The following CAND2 variants were observed in gnomAD, a reference collection of about 807,000 sequenced individuals.
The protein encoded by CAND2 is cullin associated and neddylation dissociated 2 (putative).
Under a neutral mutation model 98.9 loss-of-function variants are expected in CAND2, and 62 were observed. The ratio of observed to expected loss-of-function variants is 0.63; its 90% CI spans 0.51 to 0.77. The LOEUF is 0.77. Ranked by LOEUF, CAND2 falls within the 30% of genes least tolerant of loss-of-function variation. The pLI, the probability that CAND2 is intolerant of heterozygous loss-of-function variation, is 0.00. For synonymous variants in CAND2, 770 were observed against 731.9 expected (o/e 1.05, Z -0.84); for missense variants, 1,501 against 1,655.2 (o/e 0.91, Z 1.62).
intron 14 of CAND2, among the ~76,000 whole-genome samples, chr3:12,831,823 CCT>C (rs1212014429): frequency 1.3e-5 from 2 of 152,234 alleles, no homozygotes; most frequent in East Asian, 1.9e-4. Flanking sequence ...TTCAGACCCA[CCT>C]CTGTCTCTCC....
At chr3:12,816,029 G>T (rs1487133005) in intron 9 of CAND2, 21 bp downstream of exon 9, 6 of 1,609,956 alleles carry the variant, frequency 3.7e-6, no homozygotes, top group Non-Finnish European at 5.1e-6. Context: ...CTGCAACCAG[G>T]TATCTGCTGT....
At position 12,817,792 on chromosome 3, in the gene CAND2, G is replaced by C. The variant is rs773066180; in HGVS notation, c.2860G>C (p.Gly954Arg). 3 of 1,531,112 alleles carry C rather than the reference G, an allele frequency of 2.0e-6. No homozygotes were observed. Among genetic ancestry groups the C allele is most frequent in the East Asian group, 2.3e-5 (1 of 44,110 alleles). The allele number at this position is 1,531,112 out of a possible 1,614,324, so 94.8% of individuals were successfully genotyped here. ...RCEGAEEGTR[G>R]VVAECIGKLV... ...CGAGGGTGCTGAGGAGGGCACCCGG[G>C]GGGTGGTGGCCGAGTGCATTGGGAA... The change falls in exon 10 of 15, where the codon GGG becomes CGG. Residue 954 changes from glycine (G) to arginine (R), a missense_variant. Coordinates refer to ENST00000456430, the MANE Select transcript of CAND2 (RefSeq NM_001162499.2).
At chr3:12,806,182 A>G (rs2061804615) in intron 2 of CAND2, among the ~76,000 whole-genome samples, 1 of 152,206 alleles carries the variant, frequency 6.6e-6, no homozygotes, top group African/African-American at 2.4e-5. Flanking sequence ...TTAGCCAAGC[A>G]TGGTGGCTTG....
rs973009020 is a variant in CAND2, at chr3:12,808,351, G to A, written c.491+18G>A. 10 of 1,550,782 alleles carry A rather than the reference G, an allele frequency of 6.4e-6. No homozygotes were observed. In the Admixed American group the frequency reaches 1.4e-4, roughly 21 times the overall value. ...CTGAGCAGGTGTGGGAGGCCATCCT[G>A]GGTATTGAGGAAGAGTGGGTAAAAG... On this transcript the variant is annotated intron_variant, in intron 4 of 14. Coordinates refer to ENST00000456430, the MANE Select transcript of CAND2 (RefSeq NM_001162499.2).
intron 11 of CAND2, among the ~76,000 whole-genome samples, 173 bp from the exon 12 acceptor site, chr3:12,825,297 C>T (rs571271120): frequency 6.6e-6 from 1 of 152,298 alleles, no homozygotes; most frequent in South Asian, 2.1e-4. Context: ...ACATTCTTAT[C>T]TGGCCTTTGA....
In CAND2 at chr3:12,810,105, C is replaced by T. The variant is rs2061838937; in HGVS notation, c.538C>T (p.Leu180=). The T allele has an allele frequency of 1.3e-6, 2 of 1,505,796 alleles. No homozygotes were observed. 93.3% of individuals were successfully genotyped at this position (1,505,796 alleles called of 1,614,324 possible). ...CTTCCACGCCAGCCTCCTGCACTGT[C>T]TGCTGCCACAGCTGAGCAGCCCGCG... ...GAFHASLLHC[L]LPQLSSPRLA... is the part of the protein sequence containing the mutation. The change falls in exon 5 of 15, where the codon CTG becomes TTG. Residue 180 remains leucine, a synonymous_variant. Coordinates refer to ENST00000456430, the MANE Select transcript of CAND2 (RefSeq NM_001162499.2).
chr3:12,800,595 G>C (rs2124831994), intron 1 of CAND2, among the ~76,000 whole-genome samples: 1 of 152,296 alleles, frequency 6.6e-6, no homozygotes, highest in South Asian at 2.1e-4. Flanking sequence ...GGCCTAGTGG[G>C]GACCAGGTGA....
At chr3:12,831,707 T>C (rs965324045) in intron 14 of CAND2, 135 bp downstream of exon 14, 1 of 609,516 alleles carries the variant, frequency 1.6e-6, no homozygotes, top group East Asian at 2.9e-5. Context: ...ATCATTGTCA[T>C]TGCCCTATAA....
intron 11 of CAND2, among the ~76,000 whole-genome samples, chr3:12,824,232 A>G (rs1228015385): frequency 2.6e-5 from 4 of 152,246 alleles, no homozygotes; most frequent in African/African-American, 9.6e-5. Flanking sequence ...AACTTAAAGT[A>G]TAATAAAAAA....
Position 12,815,338 on chromosome 3 carries a change from G to C in CAND2, c.1204G>C (p.Val402Leu). Residue 402 changes from valine to leucine, a missense_variant, in exon 8 of 15, where the codon GTG becomes CTG. Val to Leu is a conservative substitution (Grantham distance 32). Coordinates refer to ENST00000456430, the MANE Select transcript of CAND2 (RefSeq NM_001162499.2). The surrounding 1 kb of genome is among the most constrained non-coding windows in gnomAD (Gnocchi z 5.7). Reference protein sequence around the residue: ...VKADVFTAYIVLLRQTQPPKG... With the variant: ...VKADVFTAYILLLRQTQPPKG... Reference sequence around the variant, plus strand: ...GGCTGACGTCTTCACTGCTTACATCGTGCTGCTGCGGCAAACACAGCCCCC... The same window carrying C: ...GGCTGACGTCTTCACTGCTTACATCCTGCTGCTGCGGCAAACACAGCCCCC... The C allele has an allele frequency of 6.2e-7, 1 of 1,613,986 alleles. No individual in the cohort carries two copies. The highest frequency in any genetic ancestry group is 8.5e-7 in the Non-Finnish European group (1 of 1,180,044).
chr3:12,833,514 C>T (rs1006898156), intron 14 of CAND2, among the ~76,000 whole-genome samples: 4 of 152,172 alleles, frequency 2.6e-5, no homozygotes, highest in African/African-American at 9.7e-5. Context: ...TCAGAGGCCC[C>T]TCAGGCTGTA....
Position 12,815,994 on chromosome 3 carries a change from C to T in CAND2, c.1427C>T (p.Pro476Leu), listed in dbSNP as rs2305397. 782,487 of 1,613,040 alleles carry T rather than the reference C, an allele frequency of 0.49. 198,794 individuals carry two copies. Among genetic ancestry groups the T allele is most frequent in the Non-Finnish European group, 0.53 (630,292 of 1,179,514 alleles). Residue 476 changes from proline (P) to leucine (L), a missense_variant, in exon 9 of 15, where the codon CCT becomes CTT. Transcript: ENST00000456430. The surrounding 1 kb of genome is among the most constrained non-coding windows in gnomAD (Gnocchi z 5.7). ...VLPGSLAEHM[P>L]VLVSGIIFSL... ...CCAGGCAGCCTGGCCGAGCATATGC[C>T]TGTGCTGGTATCAGGTAGGCTGGAC...
In CAND2 at chr3:12,834,038, G is replaced by C; in HGVS notation, c.*56G>C. ...AAGAGAAAGGAGCCCACCCAAGTCC[G>C]AGGCCTCCCCATCCCACCATCGCAG... On this transcript the variant is annotated 3_prime_UTR_variant, in exon 15 of 15. Coordinates refer to ENST00000456430, the MANE Select transcript of CAND2 (RefSeq NM_001162499.2). 1.4e-6 allele frequency: 2 copies of C among 1,420,468 alleles called. No homozygotes were observed. Among genetic ancestry groups the C allele is most frequent in the South Asian group, 2.3e-5 (2 of 87,186 alleles). The allele number at this position is 1,420,468 out of a possible 1,614,324, so 88.0% of individuals were successfully genotyped here.
chr3:12,819,607 C>T (rs552892110), intron 10 of CAND2, among the ~76,000 whole-genome samples: 6 of 152,320 alleles, frequency 3.9e-5, no homozygotes, highest in East Asian at 1.9e-4. Context: ...AAGAGGGGCC[C>T]AGCCAGGAAT....
intron 2 of CAND2, among the ~76,000 whole-genome samples, chr3:12,804,845 G>C (rs1056039347): frequency 2.0e-5 from 3 of 152,196 alleles, no homozygotes; most frequent in Non-Finnish European, 4.4e-5. Context: ...TTTGCAATGT[G>C]ATCCCAAGAG....
At position 12,796,686 on chromosome 3, in the gene CAND2, C is replaced by T. The variant is rs1316072178; in HGVS notation, c.-35C>T. 14 of 1,555,444 alleles carry T rather than the reference C, an allele frequency of 9.0e-6. No individual in the cohort carries two copies. Among genetic ancestry groups the T allele is most frequent in the East Asian group, 2.4e-5 (1 of 41,580 alleles). ...AGGGGGCGCCCGCGCCGCCATATTC[C>T]CTCCCGCCGGCCGGCTCCGCGGCGC... is the stretch of plus-strand genomic sequence containing the variant. On this transcript the variant is annotated 5_prime_UTR_variant, in exon 1 of 15. Coordinates refer to ENST00000456430, the MANE Select transcript of CAND2 (RefSeq NM_001162499.2).
In CAND2 at chr3:12,827,726, T is replaced by C. The variant is rs926496262; in HGVS notation, c.3375+122T>C. The C allele has an allele frequency of 4.3e-6, 4 of 923,876 alleles. No homozygotes were observed. The African/African-American group carries it at 6.6e-5, about 15-fold the overall frequency. 57.2% of individuals were successfully genotyped at this position (923,876 alleles called of 1,614,324 possible). On this transcript the variant is annotated intron_variant, in intron 13 of 14. Transcript: ENST00000456430. ...AGGCACCCAATGAAAATAGCTGCAT[T>C]GTTGTTTTCTGATAAGAAAAGGAAC...
At position 12,815,583 on chromosome 3, in the gene CAND2, C is replaced by A; in HGVS notation, c.1299+150C>A. On this transcript the variant is annotated intron_variant, in intron 8 of 14. Transcript: ENST00000456430. This position sits in a 1 kb window ranked among gnomAD's most constrained non-coding sequence, Gnocchi z 5.7. ...CCTGGGGTGGGGGGCGGGAGCCAGC[C>A]AGGCTTCTGGAGTGTAGTAGTGACA... 2 of 902,884 alleles carry A rather than the reference C, an allele frequency of 2.2e-6. No homozygotes were observed. The highest frequency in any genetic ancestry group is 3.3e-6 in the Non-Finnish European group (2 of 597,326). The allele number at this position is 902,884 out of a possible 1,614,324, so 55.9% of individuals were successfully genotyped here. A position where few individuals can be genotyped will look rare whatever the true frequency, so the allele number is the denominator to read the frequency against.
rs577364220 is a variant in CAND2 at position 12,820,546 on chromosome 3, C to G, written c.3040+365C>G. Among the ~76,000 whole-genome samples the G allele has an allele frequency of 8.5e-5, 13 of 152,364 alleles. No homozygotes were observed. The East Asian group carries it at 2.5e-3, about 29-fold the overall frequency. On this transcript the variant is annotated intron_variant, in intron 11 of 14. Transcript: ENST00000456430. ...ATAGACTCTTGGGAATGGAAAACCACCAGCCTCTCACATGCCTTAGCTTTT... is the reference window on the plus strand; with the variant it reads ...ATAGACTCTTGGGAATGGAAAACCAGCAGCCTCTCACATGCCTTAGCTTTT...
Sources: allele counts gnomAD v4.1 joint callset (sites outside exome capture counted in the v4.1 genomes callset), GRCh38; gene constraint gnomAD v4.1.1; non-coding constraint Gnocchi (gnomAD v3.1); transcripts MANE v1.5; gene names NCBI Gene and HGNC (gene_info 2026-07-23, HGNC 2026-07-21).